The following TPX2 variants were observed in gnomAD, a reference collection of about 807,000 sequenced individuals.
TPX2 encodes the protein TPX2 microtubule nucleation factor, also known as targeting protein for Xklp2.
TPX2 carries 21 observed loss-of-function variants against 93.6 expected under a neutral mutation model. The observed-to-expected ratio is 0.22, with a 90% CI of 0.16 to 0.32. The LOEUF is 0.32. Among genes scored for constraint, TPX2 ranks in the 10% least tolerant of loss-of-function variants. TPX2 has a pLI of 1.00. For synonymous variants in TPX2, 281 were observed against 298.3 expected, an observed-to-expected ratio of 0.94 and a Z score of 0.60; for missense variants, 776 against 871.1, an observed-to-expected ratio of 0.89 and a Z score of 1.37.
intron 3 of TPX2, among the ~76,000 whole-genome samples, chr20:31,759,499 A>G (rs997010923): frequency 6.8e-6 from 1 of 146,710 alleles, no homozygotes; most frequent in African/African-American, 2.6e-5. Flanking sequence ...TTCCAGGTTC[A>G]AGCGATTCCC....
intron 4 of TPX2, among the ~76,000 whole-genome samples, chr20:31,763,724 T>TAAATTTAATTTAATTTAAATTTAATTTA (rs59322877): frequency 4.7e-5 from 7 of 148,102 alleles, no homozygotes; most frequent in Non-Finnish European, 8.9e-5. Flanking sequence ...AAATTTAATT[T>TAAATTTAATTTAATTTAAATTTAATTTA]TTTTTTTTTT....
Position 31,801,709 on chromosome 20 carries a change from G to C in TPX2, c.*629G>C, listed in dbSNP as rs564991278. ...CTGGGTGGGGCTGCCGTTAAGGCAC[G>C]TTCTTTCCTTACTGGTGCTGATAAC... On this transcript the variant is annotated 3_prime_UTR_variant, in exon 18 of 18. Transcript: ENST00000300403. 1 of 152,294 alleles carries C rather than the reference G, an allele frequency of 6.6e-6. No homozygotes were observed. The highest frequency in any genetic ancestry group is 1.5e-5 in the Non-Finnish European group (1 of 68,132). 9.4% of individuals were successfully genotyped at this position (152,294 alleles called of 1,614,324 possible). A position where few individuals can be genotyped will look rare whatever the true frequency, so the allele number is the denominator to read the frequency against.
At chr20:31,773,592 A>T (rs955830575) in intron 7 of TPX2, among the ~76,000 whole-genome samples, 3 of 152,162 alleles carry the variant, frequency 2.0e-5, no homozygotes, top group African/African-American at 7.2e-5. Context: ...GCCTGGCCTG[A>T]AGTGCCATTG....
chr20:31,799,125 G>A (rs769772854), intron 17 of TPX2, among the ~76,000 whole-genome samples: 5 of 152,138 alleles, frequency 3.3e-5, no homozygotes, highest in African/African-American at 7.2e-5. Flanking sequence ...AGTGTTCGTC[G>A]CTCCAGGTAA....
At chr20:31,761,622 A>G (rs763861134) in intron 4 of TPX2, among the ~76,000 whole-genome samples, 17 of 152,310 alleles carry the variant, frequency 1.1e-4, no homozygotes, top group Non-Finnish European at 2.5e-4. Flanking sequence ...CATTGTATAT[A>G]TATATGCCAC....
At chr20:31,750,018 A>T (rs1444479312) in intron 2 of TPX2, among the ~76,000 whole-genome samples, 1 of 151,184 alleles carries the variant, frequency 6.6e-6, no homozygotes, top group African/African-American at 2.4e-5. Flanking sequence ...GCTCACTGGA[A>T]CCTCCTCCTC....
chr20:31,763,695 TTTAAA>T (rs1441811405), intron 4 of TPX2, among the ~76,000 whole-genome samples: 1 of 150,104 alleles, frequency 6.7e-6, no homozygotes, highest in African/African-American at 2.5e-5. Context: ...TTTAATTTAA[TTTAAA>T]TTTAATTTAA....
rs767162993 is a variant in TPX2 at position 31,770,439 on chromosome 20, C to T, written c.453C>T (p.Ile151=). 35 of 1,593,242 alleles carry T rather than the reference C, an allele frequency of 2.2e-5. No homozygotes were observed. The Middle Eastern group carries it at 6.6e-4, about 30-fold the overall frequency. The part of the protein sequence containing the change: ...KAKRCATPVI[I]DEILPSKKMK... The stretch of plus-strand genomic sequence containing the variant: ...AGAGATGTGCCACTCCTGTAATCAT[C>T]GATGAAATTCTACCCTCTAAGAAAA... Residue 151 remains isoleucine (I), a synonymous_variant, in exon 6 of 18, where the codon ATC becomes ATT. Transcript: ENST00000300403.
chr20:31,788,636 G>T (rs562290141), intron 12 of TPX2, among the ~76,000 whole-genome samples: 1 of 152,158 alleles, frequency 6.6e-6, no homozygotes, highest in East Asian at 1.9e-4. Flanking sequence ...ACAATAAATA[G>T]AGTTGATGAA....
chr20:31,758,340 G>C (rs2061864679), intron 3 of TPX2, among the ~76,000 whole-genome samples: 1 of 151,906 alleles, frequency 6.6e-6, no homozygotes, highest in Non-Finnish European at 1.5e-5. Context: ...GGCTAGTCTT[G>C]AACCCCTGAC....
At chr20:31,752,563 C>A (rs141968470) in intron 2 of TPX2, among the ~76,000 whole-genome samples, 10 of 152,240 alleles carry the variant, frequency 6.6e-5, no homozygotes, top group African/African-American at 1.7e-4. Context: ...ATGATAGGAC[C>A]TTAGCGTCTA....
intron 4 of TPX2, among the ~76,000 whole-genome samples, chr20:31,765,202 A>G (rs1432534419): frequency 6.6e-6 from 1 of 151,680 alleles, no homozygotes; most frequent in African/African-American, 2.4e-5. Flanking sequence ...TCATGCCTGT[A>G]ATCCCAGTAC....
At chr20:31,773,272 C>A (rs929951708) in intron 7 of TPX2, among the ~76,000 whole-genome samples, 2 of 151,400 alleles carry the variant, frequency 1.3e-5, no homozygotes, top group Admixed American at 6.6e-5. Flanking sequence ...CTGCCTCAGT[C>A]TCCCATGTGG....
At chr20:31,761,955 G>A (rs538821241) in intron 4 of TPX2, among the ~76,000 whole-genome samples, 1 of 152,196 alleles carries the variant, frequency 6.6e-6, no homozygotes, top group African/African-American at 2.4e-5. Flanking sequence ...CATTCTAACT[G>A]GGATGAAAGG....
chr20:31,767,308 G>T (rs2061933883), intron 5 of TPX2, among the ~76,000 whole-genome samples: 1 of 152,094 alleles, frequency 6.6e-6, no homozygotes, highest in African/African-American at 2.4e-5. Context: ...GCCTTGTATG[G>T]ATATAATTGT....
chr20:31,739,672 G>A (rs2061742724), intron 1 of TPX2, 51 bp downstream of exon 1: 1 of 152,232 alleles, frequency 6.6e-6, no homozygotes, highest in Non-Finnish European at 1.5e-5. Flanking sequence ...AACATTGACT[G>A]AACTAAGCAC....
chr20:31,789,645 T>TG (rs1256390080), intron 12 of TPX2, among the ~76,000 whole-genome samples: 2 of 152,184 alleles, frequency 1.3e-5, no homozygotes, highest in African/African-American at 4.8e-5. Context: ...TCTTTGTTTC[T>TG]GTAAACCCAA....
At chr20:31,750,001 G>T (rs1024077249) in intron 2 of TPX2, among the ~76,000 whole-genome samples, 2 of 151,962 alleles carry the variant, frequency 1.3e-5, no homozygotes, top group Non-Finnish European at 2.9e-5. Flanking sequence ...GCAGTGGCAC[G>T]ATCTTGGCTC....
intron 5 of TPX2, among the ~76,000 whole-genome samples, chr20:31,767,396 G>C (rs1051596178): frequency 6.6e-6 from 1 of 151,716 alleles, no homozygotes; most frequent in African/African-American, 2.4e-5. Flanking sequence ...TTTGAGACAG[G>C]GTCTTGTTCT....
Sources: allele counts gnomAD v4.1 joint callset (sites outside exome capture counted in the v4.1 genomes callset), GRCh38; gene constraint gnomAD v4.1.1; transcripts MANE v1.5; gene names NCBI Gene and HGNC (gene_info 2026-07-23, HGNC 2026-07-21).